NLGN1: variants seen among roughly 807,000 people sequenced by gnomAD.
The protein encoded by NLGN1 is neuroligin 1, also known as neuroligin-1.
In NLGN1, 12 loss-of-function variants were observed where a neutral mutation model predicts 65.5. That is an observed-to-expected ratio of 0.18 (90% CI 0.12 to 0.30). The LOEUF (loss-of-function observed/expected upper bound fraction) is 0.30. Ranked by LOEUF, NLGN1 falls within the 10% of genes least tolerant of loss-of-function variation. The pLI, the probability that NLGN1 is intolerant of heterozygous loss-of-function variation, is 1.00. For missense variants in NLGN1, 750 were observed against 1,007.1 expected (o/e 0.74, Z 3.46); for synonymous variants, 350 against 359.5 (o/e 0.97, Z 0.30).
chr3:173,854,466 G>T (rs7644259), intron 4 of NLGN1, among the ~76,000 whole-genome samples: 129,423 of 151,982 alleles, frequency 0.85, 55,739 homozygotes, highest in African/African-American at 0.89. Context: ...GCTTTCTGTG[G>T]CTGTGTCTAC....
intron 4 of NLGN1, among the ~76,000 whole-genome samples, chr3:174,172,281 C>T (rs1357997572): frequency 6.6e-6 from 1 of 151,952 alleles, no homozygotes; most frequent in Non-Finnish European, 1.5e-5. Flanking sequence ...AGCATTTATC[C>T]TTTCTGTTAC....
rs114010703 is a variant in NLGN1, at chr3:174,004,264, T to G, written c.646+196432T>G. On this transcript the variant is annotated intron_variant, in intron 4 of 6. Transcript: ENST00000457714. ...ATTATTAATACAAACTATCAGATAA[T>G]TTCCCATGAATTCTTGCTAATAGGA... Among the ~76,000 whole-genome samples, 376 of 152,250 alleles carry G rather than the reference T, an allele frequency of 2.5e-3. 2 individuals are homozygous for G. The highest frequency in any genetic ancestry group is 8.6e-3 in the African/African-American group (357 of 41,574).
chr3:173,924,642 A>T (rs1048411056), intron 4 of NLGN1, among the ~76,000 whole-genome samples: 1 of 151,986 alleles, frequency 6.6e-6, no homozygotes, highest in African/African-American at 2.4e-5. Context: ...AATAAAAATA[A>T]AAATAAAAAT....
chr3:174,277,074 A>G (rs968292976), intron 5 of NLGN1, among the ~76,000 whole-genome samples: 18 of 151,956 alleles, frequency 1.2e-4, no homozygotes, highest in African/African-American at 3.6e-4. Flanking sequence ...ATGGTTATGC[A>G]AACAGTTGAA....
intron 1 of NLGN1, among the ~76,000 whole-genome samples, chr3:173,409,511 T>C (rs1712058636): frequency 6.6e-6 from 1 of 152,130 alleles, no homozygotes; most frequent in South Asian, 2.1e-4. Context: ...TATCAGTCCA[T>C]ATATTTTTTT....
chr3:174,101,318 C>T (rs1209545136), intron 4 of NLGN1, among the ~76,000 whole-genome samples: 2 of 152,084 alleles, frequency 1.3e-5, no homozygotes, highest in African/African-American at 4.8e-5. Context: ...ACCAAAGGAG[C>T]ATGAGACGAA....
At chr3:174,088,966 TA>T (rs1308502240) in intron 4 of NLGN1, among the ~76,000 whole-genome samples, 1 of 151,906 alleles carries the variant, frequency 6.6e-6, no homozygotes, top group Non-Finnish European at 1.5e-5. Flanking sequence ...CCATAGAATA[TA>T]AAAACTCCGA....
intron 4 of NLGN1, among the ~76,000 whole-genome samples, chr3:173,946,494 A>G (rs912473401): frequency 1.3e-5 from 2 of 152,172 alleles, no homozygotes; most frequent in East Asian, 3.8e-4. Context: ...GCAATACAGT[A>G]ATTTACTTAA....
chr3:174,263,013 C>T (rs1406694074), intron 4 of NLGN1, among the ~76,000 whole-genome samples: 1 of 128,250 alleles, frequency 7.8e-6, no homozygotes, highest in Non-Finnish European at 1.6e-5. Context: ...GATTCTTAAT[C>T]CTGAGTTCTA....
intron 4 of NLGN1, among the ~76,000 whole-genome samples, chr3:174,058,407 T>G (rs1356170864): frequency 6.6e-6 from 1 of 152,098 alleles, no homozygotes; most frequent in Non-Finnish European, 1.5e-5. Flanking sequence ...CCCATCCCCT[T>G]GCAGATGAAT....
intron 4 of NLGN1, among the ~76,000 whole-genome samples, chr3:174,169,512 C>T (rs373752115): frequency 6.6e-6 from 1 of 151,864 alleles, no homozygotes; most frequent in African/African-American, 2.4e-5. Flanking sequence ...GATGCCCGGG[C>T]ATGGAGCAGA....
At chr3:173,875,725 G>T (rs1393897348) in intron 4 of NLGN1, among the ~76,000 whole-genome samples, 1 of 151,944 alleles carries the variant, frequency 6.6e-6, no homozygotes, top group African/African-American at 2.4e-5. Context: ...TTTCAATTAG[G>T]CTTATAATAT....
At chr3:174,064,433 G>C (rs1050662077) in intron 4 of NLGN1, among the ~76,000 whole-genome samples, 3 of 151,832 alleles carry the variant, frequency 2.0e-5, no homozygotes, top group Non-Finnish European at 4.4e-5. Flanking sequence ...AGGAATTCTG[G>C]AGCTAGATTA....
chr3:173,817,695 T>A (rs932296852), intron 4 of NLGN1, among the ~76,000 whole-genome samples: 1 of 152,184 alleles, frequency 6.6e-6, no homozygotes, highest in African/African-American at 2.4e-5. Flanking sequence ...ATATGAGAGA[T>A]TATAATATAG....
intron 4 of NLGN1, among the ~76,000 whole-genome samples, chr3:174,219,232 C>T (rs1013756418): frequency 6.6e-6 from 1 of 152,066 alleles, no homozygotes; most frequent in Non-Finnish European, 1.5e-5. Flanking sequence ...CTAAAAGGTT[C>T]TCTGAAGCAG....
At chr3:173,539,621 T>G (rs1738159313) in intron 2 of NLGN1, among the ~76,000 whole-genome samples, 1 of 58,004 alleles carries the variant, frequency 1.7e-5, no homozygotes. Context: ...ATATATTATA[T>G]ATTTATATAT....
At chr3:174,043,880 A>G (rs1732921182) in intron 4 of NLGN1, among the ~76,000 whole-genome samples, 2 of 152,098 alleles carry the variant, frequency 1.3e-5, no homozygotes, top group Admixed American at 6.5e-5. Context: ...CTGCCCTGGC[A>G]GAGGTTCTCC....
chr3:173,997,766 C>T (rs1035287894), intron 4 of NLGN1, among the ~76,000 whole-genome samples: 23 of 152,050 alleles, frequency 1.5e-4, no homozygotes, highest in African/African-American at 5.6e-4. Flanking sequence ...AAAACACACC[C>T]ACTTAAAAAA....
chr3:173,472,639 A>G (rs79849588), intron 2 of NLGN1, among the ~76,000 whole-genome samples: 19,358 of 152,018 alleles, frequency 0.13, 1,372 homozygotes, highest in South Asian at 0.23. Flanking sequence ...CCTGTATTCA[A>G]TATTTCTGAC....
Sources: allele counts gnomAD v4.1 joint callset (sites outside exome capture counted in the v4.1 genomes callset), GRCh38; gene constraint gnomAD v4.1.1; transcripts MANE v1.5; gene names NCBI Gene and HGNC (gene_info 2026-07-23, HGNC 2026-07-21).